RBFOX3: variants seen among roughly 807,000 people sequenced by gnomAD.
RBFOX3 encodes RNA binding fox-1 homolog 3, also known as RNA binding protein fox-1 homolog 3.
In RBFOX3, 17 loss-of-function variants were observed where a neutral mutation model predicts 48.7. The ratio of observed to expected loss-of-function variants is 0.35; its 90% confidence interval spans 0.24 to 0.52. RBFOX3 has a LOEUF of 0.52. RBFOX3 is among the 20% of genes least tolerant of loss of function. The pLI, the probability that RBFOX3 is intolerant of heterozygous loss-of-function variation, is 0.94. For missense variants in RBFOX3, 382 were observed against 497.5 expected, an observed-to-expected ratio of 0.77 and a Z score of 2.21; for synonymous variants, 212 against 209.5, an observed-to-expected ratio of 1.01 and a Z score of -0.10.
intron 1 of RBFOX3, among the ~76,000 whole-genome samples, chr17:79,567,186 T>A (rs1255711510): frequency 7.1e-6 from 1 of 141,756 alleles, no homozygotes; most frequent in Non-Finnish European, 1.5e-5. Context: ...CTTTCTTTTT[T>A]TTTTTTTTTT....
chr17:79,582,677 G>A (rs2144848784), intron 1 of RBFOX3, among the ~76,000 whole-genome samples: 1 of 147,582 alleles, frequency 6.8e-6, no homozygotes, highest in South Asian at 2.1e-4. Context: ...TATGCCTGTA[G>A]TCCCAGCTAT....
intron 2 of RBFOX3, among the ~76,000 whole-genome samples, chr17:79,469,044 CTGAT>C (rs1288906016): frequency 1.3e-5 from 2 of 151,912 alleles, no homozygotes; most frequent in Non-Finnish European, 2.9e-5. Flanking sequence ...GATAGATAGA[CTGAT>C]TGATTGACTG....
chr17:79,580,281 ATCC>A (rs1327100541), intron 1 of RBFOX3, among the ~76,000 whole-genome samples: 59 of 40,346 alleles, frequency 1.5e-3, no homozygotes, highest in Middle Eastern at 0.024. Flanking sequence ...CTCCCCCCCC[ATCC>A]TCCTCCTCCT....
rs1258299381 is a variant in RBFOX3, at chr17:79,195,695, C to T, written c.-34+40071G>A. On this transcript the variant is annotated intron_variant, in intron 4 of 14. Coordinates refer to ENST00000693108, the MANE Select transcript of RBFOX3 (RefSeq NM_001350451.2). The surrounding 1 kb of genome is among the most constrained non-coding windows in gnomAD (Gnocchi z 5.3). ...TGGGGTGGCGGGGGTGGCTTTCCTT[C>T]TGTGCTCCCTCCCCTACGACCGGAC... Among the ~76,000 whole-genome samples the T allele has an allele frequency of 6.6e-6, 1 of 152,208 alleles. No homozygotes were observed. Among genetic ancestry groups the T allele is most frequent in the Non-Finnish European group, 1.5e-5 (1 of 68,046 alleles).
At chr17:79,598,491 C>G (rs1299467357) in intron 1 of RBFOX3, 1 of 152,154 alleles carries the variant, frequency 6.6e-6, no homozygotes, top group African/African-American at 2.4e-5. Context: ...ATTATTTTAG[C>G]GTGGGAGACA....
chr17:79,425,354 T>C (rs2067172655), intron 2 of RBFOX3, among the ~76,000 whole-genome samples: 1 of 151,736 alleles, frequency 6.6e-6, no homozygotes, highest in South Asian at 2.1e-4. Context: ...GGGGCTTGTG[T>C]GGCCCCAGTG....
intron 1 of RBFOX3, among the ~76,000 whole-genome samples, chr17:79,584,243 T>C (rs1296862691): frequency 1.3e-5 from 2 of 152,120 alleles, no homozygotes; most frequent in South Asian, 2.1e-4. Context: ...CAAAAAATAA[T>C]AGATGTTGGC....
At chr17:79,372,039 C>A (rs2058614948) in intron 2 of RBFOX3, among the ~76,000 whole-genome samples, 1 of 152,142 alleles carries the variant, frequency 6.6e-6, no homozygotes, top group South Asian at 2.1e-4. Context: ...CGAGGAGACC[C>A]TCCTCGCAGA....
At chr17:79,626,389 C>A in the RBFOX3 span, among the ~76,000 whole-genome samples, 2 of 152,230 alleles carry the variant, frequency 1.3e-5, no homozygotes, top group African/African-American at 4.8e-5. Context: ...TGTCTCATCA[C>A]CTGTCTCAGC....
chr17:79,512,931 GTTA>G (rs2149883402), intron 1 of RBFOX3, among the ~76,000 whole-genome samples: 3 of 146,754 alleles, frequency 2.0e-5, no homozygotes, highest in East Asian at 2.1e-4. Context: ...GCAGATACAT[GTTA>G]CCATCGGGTA....
At chr17:79,610,399 TC>T (rs1411380774) in intron 1 of RBFOX3, among the ~76,000 whole-genome samples, 4 of 150,398 alleles carry the variant, frequency 2.7e-5, no homozygotes, top group East Asian at 4.0e-4. Flanking sequence ...CGCCTCTGCC[TC>T]CCCCCGCCGG....
intron 1 of RBFOX3, among the ~76,000 whole-genome samples, chr17:79,490,000 T>C (rs2080261375): frequency 6.6e-6 from 1 of 152,226 alleles, no homozygotes; most frequent in African/African-American, 2.4e-5. Context: ...CTCATTTTAG[T>C]AGTAAAGATT....
chr17:79,316,472 G>A (rs2077557623), intron 2 of RBFOX3, among the ~76,000 whole-genome samples: 1 of 152,176 alleles, frequency 6.6e-6, no homozygotes, highest in African/African-American at 2.4e-5. Context: ...TCCCAGCCAG[G>A]GACTGTTACT....
chr17:79,300,233 G>C lies in RBFOX3; in HGVS notation c.-74+7491C>G, dbSNP rs542565962. ...CCAACACCTTGATCTTGGACTTCCA[G>C]CCTCCGGAGCCACGAGAGAAGAAAT... On this transcript the variant is annotated intron_variant, in intron 3 of 14. Transcript: ENST00000693108. 2.5e-3 allele frequency among the ~76,000 whole-genome samples: 382 copies of C among 152,234 alleles called. No individual in the cohort carries two copies. The Middle Eastern group carries it at 0.027, about 11-fold the overall frequency.
At chr17:79,289,592 C>T (rs563097875) in intron 3 of RBFOX3, among the ~76,000 whole-genome samples, 3 of 152,368 alleles carry the variant, frequency 2.0e-5, no homozygotes, top group East Asian at 3.9e-4. Context: ...TTTTTCCAGA[C>T]ACGATGTTAA....
At chr17:79,192,752 C>T (rs2054778789) in intron 4 of RBFOX3, among the ~76,000 whole-genome samples, 1 of 152,206 alleles carries the variant, frequency 6.6e-6, no homozygotes, top group South Asian at 2.1e-4. Context: ...TGGGCCCAAA[C>T]AAGCACGGGT....
intron 4 of RBFOX3, among the ~76,000 whole-genome samples, chr17:79,117,929 G>A (rs1190300354): frequency 1.3e-5 from 2 of 152,212 alleles, no homozygotes; most frequent in South Asian, 2.1e-4. Context: ...CCAGGGAGGT[G>A]GCCCCAAGGG....
intron 2 of RBFOX3, among the ~76,000 whole-genome samples, chr17:79,334,896 C>T (rs1449541357): frequency 2.0e-5 from 3 of 152,258 alleles, no homozygotes; most frequent in African/African-American, 4.8e-5. Flanking sequence ...GCCCACCCTG[C>T]ACAGACACAG....
chr17:79,322,773 T>G (rs745634614), intron 2 of RBFOX3, among the ~76,000 whole-genome samples: 1 of 152,080 alleles, frequency 6.6e-6, no homozygotes, highest in Non-Finnish European at 1.5e-5. Context: ...ATACCAGGCT[T>G]GTTTTGGGTT....
Sources: gnomAD v4.1 joint callset for allele counts (sites outside exome capture counted in the v4.1 genomes callset) on GRCh38, gnomAD v4.1.1 for gene constraint, Gnocchi (gnomAD v3.1) non-coding constraint, MANE v1.5 for transcripts, NCBI Gene and HGNC (gene_info 2026-07-23, HGNC 2026-07-21) for gene names.